KDM6A: variants seen among roughly 807,000 people sequenced by gnomAD.
KDM6A encodes the protein lysine-specific demethylase 6A.
In KDM6A, 11 loss-of-function variants were observed where a neutral mutation model predicts 117.6. The observed-to-expected ratio is 0.09, with a 90% CI of 0.06 to 0.15. The LOEUF (loss-of-function observed/expected upper bound fraction) is 0.15, where lower values mean the gene tolerates loss of function less well. Ranked by LOEUF, KDM6A falls within the 10% of genes least tolerant of loss-of-function variation. The pLI is 1.00. For synonymous variants in KDM6A, 384 were observed against 396.1 expected (o/e 0.97, Z 0.36); for missense variants, 799 against 1,077.3 (o/e 0.74, Z 3.62).
At chrX:45,067,257 A>G (rs947676512) in intron 17 of KDM6A, among the ~76,000 whole-genome samples, 11 of 112,082 alleles carry the variant, frequency 9.8e-5, no homozygotes, top group Non-Finnish European at 1.5e-4. Flanking sequence ...AATTTAAGAT[A>G]TGAAAGTAAA....
At chrX:44,960,973 C>T (rs2038639232) in intron 2 of KDM6A, among the ~76,000 whole-genome samples, 1 of 111,830 alleles carries the variant, frequency 8.9e-6, no homozygotes, top group African/African-American at 3.2e-5. Flanking sequence ...ACAGGGACCA[C>T]AGTAATAATT....
intron 2 of KDM6A, among the ~76,000 whole-genome samples, chrX:44,878,965 G>A (rs1232151664): frequency 9.0e-6 from 1 of 110,956 alleles, no homozygotes; most frequent in Non-Finnish European, 1.9e-5. Flanking sequence ...CACGTGATCA[G>A]CCCACCATGG....
intron 27 of KDM6A, among the ~76,000 whole-genome samples, chrX:45,099,838 TC>T (rs2046270053): frequency 9.0e-6 from 1 of 111,331 alleles, no homozygotes; most frequent in Non-Finnish European, 1.9e-5. Context: ...ATCGAGACCA[TC>T]CTGGCTGACA....
At chrX:44,968,814 TA>T (rs2039164304) in intron 3 of KDM6A, among the ~76,000 whole-genome samples, 1 of 109,612 alleles carries the variant, frequency 9.1e-6, no homozygotes, top group Non-Finnish European at 1.9e-5. Context: ...CTACTAGAAA[TA>T]AAAAATTAGC....
chrX:44,984,322 G>C (rs2040078178), intron 4 of KDM6A, among the ~76,000 whole-genome samples: 1 of 111,716 alleles, frequency 9.0e-6, no homozygotes, highest in African/African-American at 3.3e-5. Context: ...CCCTTTGTCA[G>C]ATGAGTAGAT....
intron 2 of KDM6A, among the ~76,000 whole-genome samples, chrX:44,948,859 G>T (rs888329426): frequency 9.0e-6 from 1 of 111,713 alleles, no homozygotes; most frequent in Non-Finnish European, 1.9e-5. Context: ...CTGGTGGAAG[G>T]TTATATTGGT....
intron 2 of KDM6A, among the ~76,000 whole-genome samples, chrX:44,959,638 A>G (rs985654329): frequency 4.5e-5 from 5 of 111,416 alleles, no homozygotes; most frequent in African/African-American, 1.6e-4. Context: ...CATTAATGTA[A>G]AATTAAGAAT....
intron 2 of KDM6A, among the ~76,000 whole-genome samples, chrX:44,956,924 G>C (rs1253351139): frequency 9.1e-6 from 1 of 110,346 alleles, no homozygotes; most frequent in African/African-American, 3.3e-5. Flanking sequence ...GAGGTCAGGA[G>C]TTCGAGACCA....
chrX:44,898,185 T>A (rs1015321073), intron 2 of KDM6A, among the ~76,000 whole-genome samples: 1 of 111,750 alleles, frequency 8.9e-6, no homozygotes, highest in Non-Finnish European at 1.9e-5. Flanking sequence ...ACTGCACTGA[T>A]GCTGCAGGGT....
chrX:45,083,580 C>T lies in KDM6A; in HGVS notation c.3561C>T (p.Tyr1187=), dbSNP rs2148153799. 1 of 1,209,239 alleles carries T rather than the reference C, an allele frequency of 8.3e-7. No individual in the cohort carries two copies. The highest frequency in any genetic ancestry group is 1.7e-5 in the African/African-American group (1 of 57,776). The change falls in exon 24 of 30, where the codon TAC becomes TAT. Residue 1187 remains tyrosine (Y), a synonymous_variant. Transcript: ENST00000611820. ...TILGMNTVQL[Y]MKVPGSRTPG... The stretch of plus-strand genomic sequence containing the variant: ...TGGGCATGAACACAGTTCAACTATA[C>T]ATGAAAGTTCCAGGGAGCAGAACAC...
At chrX:44,940,343 C>T (rs2037226401) in intron 2 of KDM6A, among the ~76,000 whole-genome samples, 1 of 111,563 alleles carries the variant, frequency 9.0e-6, no homozygotes, top group African/African-American at 3.3e-5. Flanking sequence ...CATGAGCCAC[C>T]ATGCCTGGCT....
At chrX:44,919,164 A>G (rs1216807653) in intron 2 of KDM6A, among the ~76,000 whole-genome samples, 2 of 111,886 alleles carry the variant, frequency 1.8e-5, no homozygotes, top group South Asian at 3.7e-4. Flanking sequence ...ATTTGTTACT[A>G]TTAATGAACC....
chrX:44,946,812 C>G (rs1446899692), intron 2 of KDM6A, among the ~76,000 whole-genome samples: 1 of 110,828 alleles, frequency 9.0e-6, no homozygotes, highest in Non-Finnish European at 1.9e-5. Context: ...TTGCCAGTTG[C>G]GTTACCAGGT....
rs141642731 is a variant in KDM6A at position 45,058,918 on chromosome X, A to C, written c.876-88A>C. The C allele has an allele frequency of 5.2e-3, 4,257 of 817,104 alleles. 46 individuals are homozygous for C. The South Asian group carries it at 0.062, about 12-fold the overall frequency. The allele number at this position is 817,104 out of a possible 1,213,427, so 67.3% of individuals were successfully genotyped here. A position where few individuals can be genotyped will look rare whatever the true frequency, so the allele number is the denominator to read the frequency against. On this transcript the variant is annotated intron_variant, in intron 10 of 29. Transcript: ENST00000611820. ...TAGGGTTTTAAAAAAATTTGCTGTG[A>C]TATATAGTCCATCCTTTCAGCCGAT...
chrX:45,011,526 G>A (rs963600727), intron 5 of KDM6A, among the ~76,000 whole-genome samples: 1 of 111,453 alleles, frequency 9.0e-6, no homozygotes, highest in Non-Finnish European at 1.9e-5. Flanking sequence ...CAGAGTTGGA[G>A]ATTAAATATA....
chrX:44,916,928 C>T (rs1401346622), intron 2 of KDM6A, among the ~76,000 whole-genome samples: 1 of 110,786 alleles, frequency 9.0e-6, no homozygotes, highest in Non-Finnish European at 1.9e-5. Flanking sequence ...ATTACAGGCT[C>T]ATGAGCTATG....
Position 44,888,104 on chromosome X carries a change from A to G in KDM6A, c.225+14117A>G, listed in dbSNP as rs183502256. Among the ~76,000 whole-genome samples the G allele has an allele frequency of 1.1e-3, 120 of 111,502 alleles. No homozygotes were observed. The East Asian group carries it at 0.028, about 26-fold the overall frequency. ...GGTGGATCATGAGGTTGGGAGTTCA[A>G]GACCAGCCTGGCCAAGATGGTGAAA... On this transcript the variant is annotated intron_variant, in intron 2 of 29. Transcript: ENST00000611820.
At chrX:45,044,211 T>C (rs2043425911) in intron 8 of KDM6A, among the ~76,000 whole-genome samples, 1 of 112,211 alleles carries the variant, frequency 8.9e-6, no homozygotes, top group African/African-American at 3.2e-5. Context: ...TCAATTATTC[T>C]TGAACATTTA....
intron 19 of KDM6A, 41 bp from the exon 20 acceptor site, chrX:45,078,359 T>C: frequency 8.9e-7 from 1 of 1,121,439 alleles, no homozygotes; most frequent in Non-Finnish European, 1.2e-6. Flanking sequence ...AAATAAAAGC[T>C]CTGTTTTCCT....
Sources: allele counts gnomAD v4.1 joint callset (sites outside exome capture counted in the v4.1 genomes callset), GRCh38; gene constraint gnomAD v4.1.1; transcripts MANE v1.5; gene names NCBI Gene and HGNC (gene_info 2026-07-23, HGNC 2026-07-21).